The following CPNE5 variants were observed in gnomAD, a reference collection of about 807,000 sequenced individuals.
CPNE5 encodes the protein copine-5.
CPNE5 carries 42 observed loss-of-function variants against 81.1 expected under a neutral mutation model. The observed-to-expected ratio is 0.52, with a 90% CI of 0.40 to 0.67. CPNE5 has a LOEUF of 0.67. Ranked by LOEUF, CPNE5 falls within the 30% of genes least tolerant of loss-of-function variation. CPNE5 has a pLI of 0.00. For synonymous variants in CPNE5, 313 were observed against 321.5 expected, an observed-to-expected ratio of 0.97 and a Z score of 0.28; for missense variants, 612 against 815.5, an observed-to-expected ratio of 0.75 and a Z score of 3.04.
At chr6:36,782,903 G>A (rs940073523) in intron 8 of CPNE5, among the ~76,000 whole-genome samples, 1 of 150,242 alleles carries the variant, frequency 6.7e-6, no homozygotes, top group Admixed American at 6.6e-5. Context: ...CCACCTGGTT[G>A]GAATCCTAGC....
rs911076856 is a variant in CPNE5 at position 36,839,234 on chromosome 6, C to G, written c.95+49G>C. 7.3e-7 allele frequency: 1 copy of G among 1,370,482 alleles called. No homozygotes were observed. The highest frequency in any genetic ancestry group is 1.4e-5 in the South Asian group (1 of 72,786). 84.9% of individuals were successfully genotyped at this position (1,370,482 alleles called of 1,614,324 possible). A position where few individuals can be genotyped will look rare whatever the true frequency, so the allele number is the denominator to read the frequency against. Reference sequence around the variant, plus strand: ...GATCGAAGCGGCAGGGGCCGCGGGGCTCTGCGTCCAGGGCCGGGGCAAGGG... The same window carrying G: ...GATCGAAGCGGCAGGGGCCGCGGGGGTCTGCGTCCAGGGCCGGGGCAAGGG... On this transcript the variant is annotated intron_variant, in intron 1 of 20. Coordinates refer to ENST00000244751, the MANE Select transcript of CPNE5 (RefSeq NM_020939.2). This position sits in a 1 kb window ranked among gnomAD's most constrained non-coding sequence, Gnocchi z 7.3.
intron 3 of CPNE5, among the ~76,000 whole-genome samples, chr6:36,803,940 C>T (rs1398443171): frequency 6.6e-6 from 1 of 152,038 alleles, no homozygotes; most frequent in East Asian, 1.9e-4. Context: ...GAGTTGAGAA[C>T]CACTAATGAA....
Position 36,808,249 on chromosome 6 carries a change from C to A in CPNE5, c.184-8179G>T, listed in dbSNP as rs367889280. Among the ~76,000 whole-genome samples the A allele has an allele frequency of 5.9e-5, 9 of 152,228 alleles. No homozygotes were observed. The South Asian group carries it at 1.9e-3, about 32-fold the overall frequency. On this transcript the variant is annotated intron_variant, in intron 3 of 20. Transcript: ENST00000244751. The stretch of plus-strand genomic sequence containing the variant: ...GGGATTACACGTGCCTGCCACCACG[C>A]CTGGCTAAGTTTTGTATTTTTAGTA...
chr6:36,743,252 C>G, intron 20 of CPNE5: 1 of 985,230 alleles, frequency 1.0e-6, no homozygotes, highest in Non-Finnish European at 1.2e-6. Flanking sequence ...GGACAAAGGT[C>G]TTTCTGCTCA....
chr6:36,799,290 T>C (rs9470398), intron 4 of CPNE5, among the ~76,000 whole-genome samples: 7,898 of 152,172 alleles, frequency 0.052, 681 homozygotes, highest in African/African-American at 0.18. Flanking sequence ...ATACCTCCCA[T>C]CTCTCCCTCC....
chr6:36,779,082 C>T (rs1334432050), intron 8 of CPNE5, 125 bp from the exon 9 acceptor site: 1 of 643,746 alleles, frequency 1.6e-6, no homozygotes, highest in African/African-American at 1.8e-5. Context: ...AAGTGCCAGG[C>T]CCTTATTCCA....
intron 3 of CPNE5, among the ~76,000 whole-genome samples, chr6:36,813,144 G>C (rs759506601): frequency 1.3e-5 from 2 of 152,172 alleles, no homozygotes; most frequent in Non-Finnish European, 2.9e-5. Context: ...TTATCTTCCT[G>C]CTTCTGCCCT....
chr6:36,827,815 C>T (rs1358435200), intron 1 of CPNE5: 1 of 920,644 alleles, frequency 1.1e-6, no homozygotes, highest in African/African-American at 1.8e-5. Flanking sequence ...AGTACTTTTT[C>T]TCCACTTTCT....
chr6:36,743,809 C>G (rs372383207), intron 19 of CPNE5, 47 bp from the exon 20 acceptor site: 1 of 1,516,064 alleles, frequency 6.6e-7, no homozygotes. Context: ...TAACGGTGGA[C>G]CCCTGGCCCT....
chr6:36,791,758 G>T (rs1423298663), intron 8 of CPNE5, among the ~76,000 whole-genome samples: 2 of 152,200 alleles, frequency 1.3e-5, no homozygotes, highest in Admixed American at 1.3e-4. Flanking sequence ...TGATGGGGAG[G>T]GGAGGGAGCC....
intron 3 of CPNE5, among the ~76,000 whole-genome samples, chr6:36,820,335 C>CT (rs1163633243): frequency 0.14 from 12,677 of 92,232 alleles, 1,388 homozygotes; most frequent in East Asian, 0.21. Flanking sequence ...CTAATCCATT[C>CT]TTTTTTTTTT....
At chr6:36,824,851 C>G (rs764560193) in intron 1 of CPNE5, among the ~76,000 whole-genome samples, 1 of 152,204 alleles carries the variant, frequency 6.6e-6, no homozygotes. Context: ...GAGCCTGAGG[C>G]AGGAGGATCA....
intron 3 of CPNE5, among the ~76,000 whole-genome samples, chr6:36,820,123 C>T (rs949851851): frequency 6.6e-6 from 1 of 152,170 alleles, no homozygotes; most frequent in Non-Finnish European, 1.5e-5. Flanking sequence ...GAGGAGGGAT[C>T]GCTCCTTTTG....
intron 1 of CPNE5, among the ~76,000 whole-genome samples, chr6:36,829,869 A>G (rs1266674551): frequency 8.5e-6 from 1 of 117,498 alleles, no homozygotes; most frequent in Middle Eastern, 4.8e-3. Flanking sequence ...AAAAAAAAAA[A>G]TACCCAACAG....
chr6:36,806,773 T>C (rs1770631229), intron 3 of CPNE5, among the ~76,000 whole-genome samples: 1 of 152,206 alleles, frequency 6.6e-6, no homozygotes, highest in African/African-American at 2.4e-5. Context: ...TGTATAACAT[T>C]CATGTCACCA....
chr6:36,794,673 G>A, intron 6 of CPNE5, 24 bp from the exon 7 acceptor site: 1 of 1,612,194 alleles, frequency 6.2e-7, no homozygotes. Context: ...GGGGGAGAGA[G>A]AGCATGCCAT....
intron 4 of CPNE5, among the ~76,000 whole-genome samples, chr6:36,799,368 C>A (rs1232811580): frequency 6.6e-6 from 1 of 152,148 alleles, no homozygotes; most frequent in African/African-American, 2.4e-5. Flanking sequence ...TCTTTCCCAC[C>A]CTGACCACTC....
In CPNE5 at chr6:36,743,695, G is replaced by T. The variant is rs771089176; in HGVS notation, c.1557C>A (p.Ile519=). The change falls in exon 20 of 21, where the codon ATC becomes ATA. Residue 519 remains isoleucine, a synonymous_variant. Transcript: ENST00000244751. ...SSRGKLAERD[I]VQFVPFRDYV... is the part of the protein sequence containing the mutation. ...GGCAAGGCCTGGGCTTCACCTGGAC[G>T]ATGTCGCGTTCAGCCAGCTTCCCCC... is the stretch of plus-strand genomic sequence containing the variant. 1.2e-6 allele frequency: 2 copies of T among 1,613,362 alleles called. No individual in the cohort carries two copies. Among genetic ancestry groups the T allele is most frequent in the East Asian group, 2.2e-5 (1 of 44,898 alleles).
rs758065744 is a variant in CPNE5 at position 36,766,380 on chromosome 6, C to T, written c.738-1004G>A. ...CATCCTCAGGACCAAGGGTAGGCGA[C>T]AGATCCACCGCAGCAGGGCAGAAAC... On this transcript the variant is annotated intron_variant, in intron 10 of 20. Transcript: ENST00000244751. This position sits in a 1 kb window ranked among gnomAD's most constrained non-coding sequence, Gnocchi z 4.2. Among the ~76,000 whole-genome samples the T allele has an allele frequency of 2.0e-5, 3 of 152,184 alleles. No individual in the cohort carries two copies. The highest frequency in any genetic ancestry group is 2.9e-5 in the Non-Finnish European group (2 of 68,026).
Sources: gnomAD v4.1 joint callset for allele counts (sites outside exome capture counted in the v4.1 genomes callset) on GRCh38, gnomAD v4.1.1 for gene constraint, Gnocchi (gnomAD v3.1) non-coding constraint, MANE v1.5 for transcripts, NCBI Gene and HGNC (gene_info 2026-07-23, HGNC 2026-07-21) for gene names.